CTNNA3: variants seen among roughly 807,000 people sequenced by gnomAD.
CTNNA3 encodes the protein catenin alpha-3.
In CTNNA3, 76 loss-of-function variants were observed where a neutral mutation model predicts 95.7. The observed-to-expected ratio is 0.79, with a 90% CI of 0.66 to 0.96. The LOEUF (loss-of-function observed/expected upper bound fraction) is 0.96. Among genes scored for constraint, CTNNA3 ranks in the 40% least tolerant of loss-of-function variants. The pLI is 0.00. For missense variants in CTNNA3, 1,191 were observed against 1,089.8 expected (o/e 1.09, Z -1.31); for synonymous variants, 431 against 374.4 (o/e 1.15, Z -1.74).
chr10:67,075,258 T>TA (rs1283541486), intron 7 of CTNNA3, among the ~76,000 whole-genome samples: 3 of 152,010 alleles, frequency 2.0e-5, no homozygotes, highest in African/African-American at 7.2e-5. Flanking sequence ...TCAGAAATCT[T>TA]AAATTAAAAA....
In CTNNA3 at chr10:67,523,495, C is replaced by G. The variant is rs566267118; in HGVS notation, c.460-1534G>C. ...GGGTTTTTATTACAACATTCATGTT[C>G]TTTCTACTCTATCCTTAACTCTAAC... On this transcript the variant is annotated intron_variant, in intron 4 of 17. Coordinates refer to ENST00000433211, the MANE Select transcript of CTNNA3 (RefSeq NM_013266.4). Among the ~76,000 whole-genome samples the G allele has an allele frequency of 2.6e-5, 4 of 152,294 alleles. No individual in the cohort carries two copies. The South Asian group carries it at 6.2e-4, about 24-fold the overall frequency.
chr10:66,533,809 G>A (rs948515071), intron 10 of CTNNA3, among the ~76,000 whole-genome samples: 4 of 152,086 alleles, frequency 2.6e-5, no homozygotes, highest in Non-Finnish European at 5.9e-5. Flanking sequence ...GGAGGTTCAC[G>A]CCTATAATCC....
intron 7 of CTNNA3, among the ~76,000 whole-genome samples, chr10:66,784,837 A>C (rs1240171055): frequency 6.6e-6 from 1 of 152,150 alleles, no homozygotes; most frequent in Admixed American, 6.6e-5. Context: ...TCTCCTCCCT[A>C]CTTTCTCACT....
chr10:66,584,909 G>C (rs1843309100), intron 10 of CTNNA3, among the ~76,000 whole-genome samples: 1 of 151,902 alleles, frequency 6.6e-6, no homozygotes, highest in African/African-American at 2.4e-5. Context: ...CCATTTACTT[G>C]TCTGAGAAAA....
chr10:66,888,515 C>G (rs1302278110), intron 7 of CTNNA3, among the ~76,000 whole-genome samples: 1 of 151,552 alleles, frequency 6.6e-6, no homozygotes, highest in Non-Finnish European at 1.5e-5. Context: ...GGTACCAGAT[C>G]ATGCAGGCCT....
intron 5 of CTNNA3, among the ~76,000 whole-genome samples, chr10:67,405,394 C>T (rs947791658): frequency 6.6e-6 from 1 of 152,024 alleles, no homozygotes; most frequent in African/African-American, 2.4e-5. Flanking sequence ...GGATTGCAAT[C>T]CTAGCATCTA....
Position 66,228,353 on chromosome 10 carries a change from A to G in CTNNA3, c.1884+52117T>C, listed in dbSNP as rs116377364. Among the ~76,000 whole-genome samples the G allele has an allele frequency of 6.8e-3, 1,034 of 151,990 alleles. 13 individuals are homozygous for G. The highest frequency in any genetic ancestry group is 0.024 in the African/African-American group (997 of 41,496). On this transcript the variant is annotated intron_variant, in intron 13 of 17. Transcript: ENST00000433211. ...TTTGCTGTATCTCACAGGTTTTGGT[A>G]TGCTGTCTTTCAATTTTCATTTCTT...
intron 1 of CTNNA3, among the ~76,000 whole-genome samples, chr10:67,754,293 C>T (rs374501116): frequency 9.2e-5 from 14 of 152,206 alleles, no homozygotes; most frequent in African/African-American, 3.1e-4. Flanking sequence ...ACAACACACA[C>T]TAGAGCCTAT....
intron 5 of CTNNA3, among the ~76,000 whole-genome samples, chr10:67,383,964 G>A (rs1402385101): frequency 6.6e-6 from 1 of 152,062 alleles, no homozygotes; most frequent in Non-Finnish European, 1.5e-5. Context: ...TCTAAGCCAA[G>A]GTTAATGCTC....
chr10:66,559,300 C>T (rs1842479971), intron 10 of CTNNA3, among the ~76,000 whole-genome samples: 1 of 152,066 alleles, frequency 6.6e-6, no homozygotes, highest in Non-Finnish European at 1.5e-5. Context: ...GACAAAAGGA[C>T]TTGACATGGC....
intron 4 of CTNNA3, among the ~76,000 whole-genome samples, chr10:67,537,776 C>T (rs992547128): frequency 1.3e-5 from 2 of 152,112 alleles, no homozygotes; most frequent in Non-Finnish European, 2.9e-5. Flanking sequence ...TTCTTGTTTA[C>T]AGCATTTGTT....
chr10:66,642,030 T>C (rs997381851), intron 9 of CTNNA3, among the ~76,000 whole-genome samples: 12 of 152,044 alleles, frequency 7.9e-5, no homozygotes, highest in Admixed American at 2.6e-4. Flanking sequence ...AGAACCATTA[T>C]AGATAAACAG....
chr10:66,884,367 C>T (rs1430504596), intron 7 of CTNNA3, among the ~76,000 whole-genome samples: 1 of 152,042 alleles, frequency 6.6e-6, no homozygotes, highest in Non-Finnish European at 1.5e-5. Context: ...TAGTCACTTG[C>T]TACCAATGAA....
chr10:66,027,363 T>C (rs2079361759), intron 15 of CTNNA3, among the ~76,000 whole-genome samples: 1 of 152,180 alleles, frequency 6.6e-6, no homozygotes, highest in Non-Finnish European at 1.5e-5. Flanking sequence ...ATTAGTCTTA[T>C]TGTTGTTAGT....
chr10:66,008,341 C>A (rs2078937900), intron 15 of CTNNA3, among the ~76,000 whole-genome samples: 1 of 152,128 alleles, frequency 6.6e-6, no homozygotes, highest in Admixed American at 6.5e-5. Context: ...AACTTCTTTG[C>A]CACTTAATTG....
chr10:67,427,023 C>A (rs148515052), intron 5 of CTNNA3, among the ~76,000 whole-genome samples: 11 of 151,848 alleles, frequency 7.2e-5, no homozygotes, highest in Non-Finnish European at 1.2e-4. Flanking sequence ...TAACTTAGTG[C>A]GTGGTAATTA....
intron 11 of CTNNA3, among the ~76,000 whole-genome samples, chr10:66,518,330 G>T (rs1020812428): frequency 2.0e-5 from 3 of 152,056 alleles, no homozygotes; most frequent in African/African-American, 7.2e-5. Context: ...GGTTCCCCTT[G>T]TTGCATGTCC....
chr10:66,347,493 G>A (rs377146822), intron 12 of CTNNA3, among the ~76,000 whole-genome samples: 22 of 151,652 alleles, frequency 1.5e-4, no homozygotes, highest in South Asian at 4.2e-4. Flanking sequence ...CCACATCTGC[G>A]GTTCCAGCTA....
intron 1 of CTNNA3, among the ~76,000 whole-genome samples, chr10:67,703,321 C>G (rs1437571232): frequency 8.5e-6 from 1 of 118,284 alleles, no homozygotes; most frequent in Non-Finnish European, 1.7e-5. Flanking sequence ...GAGACACAAC[C>G]AAAAAGAGAA....
Sources: allele counts gnomAD v4.1 joint callset (sites outside exome capture counted in the v4.1 genomes callset), GRCh38; gene constraint gnomAD v4.1.1; transcripts MANE v1.5; gene names NCBI Gene and HGNC (gene_info 2026-07-23, HGNC 2026-07-21).